Variants in EHD3 observed in about 807,000 individuals in gnomAD.
EHD3 encodes the protein EH domain containing 3, also known as EH domain-containing protein 3.
Under a neutral mutation model 43.0 loss-of-function variants are expected in EHD3, and 17 were observed. The ratio of observed to expected loss-of-function variants is 0.40; its 90% confidence interval spans 0.27 to 0.59. The LOEUF (loss-of-function observed/expected upper bound fraction) is 0.59, where lower values mean the gene tolerates loss of function less well. Ranked by LOEUF, EHD3 falls within the 20% of genes least tolerant of loss-of-function variation. The pLI is 0.49. For missense variants in EHD3, 594 were observed against 705.6 expected (o/e 0.84, Z 1.79); for synonymous variants, 313 against 289.5 (o/e 1.08, Z -0.82).
chr2:31,262,667 C>T (rs955346342), intron 5 of EHD3, among the ~76,000 whole-genome samples: 3 of 152,216 alleles, frequency 2.0e-5, no homozygotes, highest in Non-Finnish European at 2.9e-5. Flanking sequence ...CCTGTAATCC[C>T]AGCAGTTTGG....
intron 3 of EHD3, among the ~76,000 whole-genome samples, chr2:31,252,213 G>A (rs1281444813): frequency 6.6e-6 from 1 of 152,182 alleles, no homozygotes; most frequent in Non-Finnish European, 1.5e-5. Context: ...CGTCTTGTGA[G>A]GTCTATAGAC....
intron 4 of EHD3, among the ~76,000 whole-genome samples, chr2:31,261,146 CT>C (rs1683847280): frequency 6.6e-6 from 1 of 152,176 alleles, no homozygotes; most frequent in South Asian, 2.1e-4. Flanking sequence ...TTGGCAAGGC[CT>C]TTAGTCTCTC....
intron 3 of EHD3, among the ~76,000 whole-genome samples, chr2:31,256,914 C>T (rs1683761281): frequency 6.6e-6 from 1 of 152,240 alleles, no homozygotes. Context: ...CTATAAACCT[C>T]CATTACCTTG....
Position 31,266,679 on chromosome 2 carries a change from C to T in EHD3, c.1583C>T (p.Pro528Leu), listed in dbSNP as rs530564469. The T allele has an allele frequency of 1.8e-5, 29 of 1,607,358 alleles. 1 individual carries two copies. The highest frequency in any genetic ancestry group is 1.5e-4 in the South Asian group (14 of 90,514). ...PNELPAHLLP[P>L]SKRKVAE ...GAGCTGCCTGCCCACCTCCTGCCCC[C>T]GTCCAAGAGGAAAGTTGCCGAGTGA... Residue 528 changes from proline to leucine, a missense_variant, in exon 6 of 6, where the codon CCG becomes CTG. Physicochemically the swap from Pro to Leu is moderately conservative, Grantham distance 98. This residue lies in a region of EHD3 where 322 missense variants were observed against 348.0 expected (regional missense o/e 0.93). Coordinates refer to ENST00000322054, the MANE Select transcript of EHD3 (RefSeq NM_014600.3). This position sits in a 1 kb window ranked among gnomAD's most constrained non-coding sequence, Gnocchi z 5.1.
intron 1 of EHD3, among the ~76,000 whole-genome samples, chr2:31,240,203 C>T (rs1345799893): frequency 6.6e-6 from 1 of 152,216 alleles, no homozygotes; most frequent in Admixed American, 6.5e-5. Context: ...ATGAGGCCGA[C>T]AGGGCAAGTA....
intron 3 of EHD3, among the ~76,000 whole-genome samples, chr2:31,251,377 A>T (rs1683633219): frequency 6.6e-6 from 1 of 152,206 alleles, no homozygotes; most frequent in Non-Finnish European, 1.5e-5. Context: ...GGTTAACCCG[A>T]GTCAGCCCTC....
In EHD3 at chr2:31,250,337, G is replaced by A. The variant is rs192456432; in HGVS notation, c.502+869G>A. ...GCTGGAGTGCAGTGGCACGATCTCA[G>A]CTCACCGCAACCTCTGCCTCCCGGG... On this transcript the variant is annotated intron_variant, in intron 3 of 5. Coordinates refer to ENST00000322054, the MANE Select transcript of EHD3 (RefSeq NM_014600.3). Among the ~76,000 whole-genome samples the A allele has an allele frequency of 1.8e-4, 27 of 149,442 alleles. No homozygotes were observed. The East Asian group carries it at 3.8e-3, about 21-fold the overall frequency.
chr2:31,236,465 T>G (rs890269143), intron 1 of EHD3, among the ~76,000 whole-genome samples: 1 of 152,242 alleles, frequency 6.6e-6, no homozygotes, highest in African/African-American at 2.4e-5. Flanking sequence ...TGGGAACCCC[T>G]GATCTAAGCC....
rs780938047 is a variant in EHD3 at position 31,244,383 on chromosome 2, G to C, written c.337G>C (p.Ala113Pro). ...GDMEGIIPGNALVVDPKKPFR... is the reference protein window; with the variant it reads ...GDMEGIIPGNPLVVDPKKPFR... Reference sequence around the variant, plus strand: ...CATGGAGGGGATCATCCCTGGGAACGCCCTGGTGGTGGATCCCAAGAAACC... The same window carrying C: ...CATGGAGGGGATCATCCCTGGGAACCCCCTGGTGGTGGATCCCAAGAAACC... Residue 113 changes from alanine (A) to proline (P), a missense_variant, in exon 2 of 6, where the codon GCC (alanine) becomes CCC (proline). Transcript: ENST00000322054. The C allele has an allele frequency of 6.2e-7, 1 of 1,614,202 alleles. No homozygotes were observed. Among genetic ancestry groups the C allele is most frequent in the African/African-American group, 1.3e-5 (1 of 75,074 alleles).
Position 31,266,170 on chromosome 2 carries a change from T to G in EHD3, c.1081-7T>G, listed in dbSNP as rs1373614854. The stretch of plus-strand genomic sequence containing the variant: ...CCTATCTTCATCCTCTCTCCTCCTC[T>G]TCCCAGGACCAGCTGCAGGCCCAGG... On this transcript the variant is annotated splice_region_variant and splice_polypyrimidine_tract_variant and intron_variant, in intron 5 of 5. Transcript: ENST00000322054. The surrounding 1 kb of genome is among the most constrained non-coding windows in gnomAD (Gnocchi z 5.1). The G allele has an allele frequency of 6.2e-7, 1 of 1,603,718 alleles. No individual in the cohort carries two copies.
In EHD3 at chr2:31,234,286, T is replaced by G; in HGVS notation, c.-336T>G. 1 of 344,374 alleles carries G rather than the reference T, an allele frequency of 2.9e-6. No homozygotes were observed. Among genetic ancestry groups the G allele is most frequent in the Non-Finnish European group, 5.5e-6 (1 of 181,200 alleles). 21.3% of individuals were successfully genotyped at this position (344,374 alleles called of 1,614,324 possible). A position where few individuals can be genotyped will look rare whatever the true frequency, so the allele number is the denominator to read the frequency against. ...AGAGCAGGCGAGGGCTGGGGGCCGATCGGGGACCCCGGCTTGGGACCCCGG... is the reference window on the plus strand; with the variant it reads ...AGAGCAGGCGAGGGCTGGGGGCCGAGCGGGGACCCCGGCTTGGGACCCCGG... On this transcript the variant is annotated 5_prime_UTR_variant, in exon 1 of 6. Coordinates refer to ENST00000322054, the MANE Select transcript of EHD3 (RefSeq NM_014600.3).
intron 3 of EHD3, among the ~76,000 whole-genome samples, chr2:31,252,211 G>A (rs1377290026): frequency 6.6e-6 from 1 of 152,222 alleles, no homozygotes; most frequent in Non-Finnish European, 1.5e-5. Context: ...GCCGTCTTGT[G>A]AGGTCTATAG....
At chr2:31,239,808 G>A (rs1393623133) in intron 1 of EHD3, among the ~76,000 whole-genome samples, 8 of 150,740 alleles carry the variant, frequency 5.3e-5, no homozygotes, top group East Asian at 4.0e-4. Flanking sequence ...CAGGCACCGC[G>A]CATGGGGCTT....
At chr2:31,252,481 T>C (rs1363874604) in intron 3 of EHD3, among the ~76,000 whole-genome samples, 1 of 152,174 alleles carries the variant, frequency 6.6e-6, no homozygotes. Flanking sequence ...GTTGTTGCTG[T>C]TGTTGTTGTT....
chr2:31,239,802 C>T (rs1300976010), intron 1 of EHD3, among the ~76,000 whole-genome samples: 1 of 151,608 alleles, frequency 6.6e-6, no homozygotes, highest in Non-Finnish European at 1.5e-5. Context: ...GTGCTCCAGG[C>T]ACCGCGCATG....
At chr2:31,249,325 A>G (rs1254203733) in intron 2 of EHD3, 46 bp from the exon 3 acceptor site, 4 of 1,575,556 alleles carry the variant, frequency 2.5e-6, no homozygotes, top group Non-Finnish European at 8.7e-7. Flanking sequence ...CGGCTAGGTC[A>G]TGAAAGGTGG....
At chr2:31,237,269 TA>T (rs1362604398) in intron 1 of EHD3, among the ~76,000 whole-genome samples, 1 of 151,818 alleles carries the variant, frequency 6.6e-6, no homozygotes, top group African/African-American at 2.4e-5. Flanking sequence ...TAGGAGAAGC[TA>T]TTTTAATTTA....
At chr2:31,240,317 C>T (rs1485345696) in intron 1 of EHD3, among the ~76,000 whole-genome samples, 1 of 152,174 alleles carries the variant, frequency 6.6e-6, no homozygotes, top group African/African-American at 2.4e-5. Flanking sequence ...TTTCACACTG[C>T]TGTGGGAATG....
At chr2:31,265,504 C>T (rs1683933099) in intron 5 of EHD3, among the ~76,000 whole-genome samples, 1 of 152,210 alleles carries the variant, frequency 6.6e-6, no homozygotes, top group African/African-American at 2.4e-5. Flanking sequence ...TGTAATGCAG[C>T]ACATGACTGT....
Sources: gnomAD v4.1 joint callset for allele counts (sites outside exome capture counted in the v4.1 genomes callset) on GRCh38, gnomAD v4.1.1 for gene constraint, gnomAD v4.1.1 regional missense constraint, Gnocchi (gnomAD v3.1) non-coding constraint, MANE v1.5 for transcripts, NCBI Gene and HGNC (gene_info 2026-07-23, HGNC 2026-07-21) for gene names.